The following RAPGEF4 variants were observed in gnomAD, a reference collection of about 807,000 sequenced individuals.
RAPGEF4 encodes the protein RAP guanine-nucleotide-exchange factor (GEF) 4.
In RAPGEF4, 66 loss-of-function variants were observed where a neutral mutation model predicts 147.9. The observed-to-expected ratio is 0.45, with a 90% CI of 0.37 to 0.55. The LOEUF (loss-of-function observed/expected upper bound fraction) is 0.55. RAPGEF4 is among the 20% of genes least tolerant of loss of function. RAPGEF4 has a pLI of 0.00. For synonymous variants in RAPGEF4, 419 were observed against 442.7 expected (o/e 0.95, Z 0.67); for missense variants, 1,071 against 1,257.3 (o/e 0.85, Z 2.24).
At chr2:173,043,507 C>T (rs867668838) in intron 29 of RAPGEF4, among the ~76,000 whole-genome samples, 2 of 152,124 alleles carry the variant, frequency 1.3e-5, no homozygotes, top group Non-Finnish European at 2.9e-5. Flanking sequence ...GCCTGGAGGG[C>T]CTGCCGGTCA....
chr2:172,951,910 A>T (rs1375535319), intron 6 of RAPGEF4, among the ~76,000 whole-genome samples: 1 of 152,194 alleles, frequency 6.6e-6, no homozygotes, highest in Non-Finnish European at 1.5e-5. Flanking sequence ...GGAAGCATAC[A>T]CACCTTCTAG....
chr2:172,978,111 C>T (rs537366228), intron 10 of RAPGEF4, among the ~76,000 whole-genome samples: 25 of 152,306 alleles, frequency 1.6e-4, no homozygotes, highest in Admixed American at 9.1e-4. Flanking sequence ...GGAAGCCTCT[C>T]TTTCTCTGCG....
chr2:172,757,284 C>T (rs1695868502), intron 1 of RAPGEF4, among the ~76,000 whole-genome samples: 1 of 152,178 alleles, frequency 6.6e-6, no homozygotes, highest in Non-Finnish European at 1.5e-5. Flanking sequence ...AATGTGACTG[C>T]TTTTCTAAAG....
chr2:172,845,108 G>A (rs1489127063), intron 4 of RAPGEF4, among the ~76,000 whole-genome samples: 1 of 152,200 alleles, frequency 6.6e-6, no homozygotes, highest in African/African-American at 2.4e-5. Flanking sequence ...TCCAGGAAGT[G>A]TCACTGACTG....
At chr2:172,940,932 T>C (rs1017320517) in intron 6 of RAPGEF4, among the ~76,000 whole-genome samples, 1 of 152,230 alleles carries the variant, frequency 6.6e-6, no homozygotes, top group Non-Finnish European at 1.5e-5. Flanking sequence ...ATATATGCCC[T>C]GTACATGTTT....
intron 4 of RAPGEF4, among the ~76,000 whole-genome samples, chr2:172,888,139 T>A (rs1697459266): frequency 6.6e-6 from 1 of 152,230 alleles, no homozygotes; most frequent in South Asian, 2.1e-4. Context: ...TGTTGAATAT[T>A]ATTAACCAGT....
At chr2:172,883,100 T>A (rs1343845196) in intron 4 of RAPGEF4, among the ~76,000 whole-genome samples, 6 of 148,612 alleles carry the variant, frequency 4.0e-5, no homozygotes, top group African/African-American at 1.5e-4. Flanking sequence ...TAATATGTGT[T>A]AAAAAAAAAA....
At chr2:173,001,790 G>C (rs1466732190) in intron 17 of RAPGEF4, among the ~76,000 whole-genome samples, 3 of 151,792 alleles carry the variant, frequency 2.0e-5, no homozygotes, top group Non-Finnish European at 4.4e-5. Flanking sequence ...TAAACGACCA[G>C]ATCTCATGAG....
chr2:172,917,675 A>G (rs1366001661), intron 4 of RAPGEF4, 127 bp from the exon 5 acceptor site: 2 of 792,986 alleles, frequency 2.5e-6, no homozygotes, highest in East Asian at 2.5e-5. Flanking sequence ...AACACGTTTC[A>G]TGGCTCTATA....
chr2:172,868,412 C>G (rs1694853880), intron 4 of RAPGEF4, among the ~76,000 whole-genome samples: 1 of 152,124 alleles, frequency 6.6e-6, no homozygotes, highest in Non-Finnish European at 1.5e-5. Flanking sequence ...GCATAACATG[C>G]TCTTATATAG....
intron 5 of RAPGEF4, among the ~76,000 whole-genome samples, chr2:172,921,307 C>T (rs183596352): frequency 1.5e-3 from 230 of 152,150 alleles, no homozygotes; most frequent in African/African-American, 4.6e-3. Context: ...AGGCTGCTCT[C>T]GAGCTCCTGG....
At chr2:172,954,455 A>G (rs1688531989) in intron 6 of RAPGEF4, among the ~76,000 whole-genome samples, 2 of 152,278 alleles carry the variant, frequency 1.3e-5, no homozygotes, top group East Asian at 3.9e-4. Context: ...CTCTAAGCCA[A>G]TTTTGAACTT....
intron 4 of RAPGEF4, among the ~76,000 whole-genome samples, chr2:172,862,339 G>C (rs1204079411): frequency 6.6e-6 from 1 of 152,152 alleles, no homozygotes; most frequent in Non-Finnish European, 1.5e-5. Context: ...GTCAGAGAGA[G>C]CATTTTATAT....
At chr2:172,791,123 C>G (rs896570715) in intron 1 of RAPGEF4, among the ~76,000 whole-genome samples, 2 of 152,194 alleles carry the variant, frequency 1.3e-5, no homozygotes, top group Non-Finnish European at 2.9e-5. Flanking sequence ...GCAGAGCCCT[C>G]ATGACCTAAG....
chr2:172,906,589 G>A (rs1699656571), intron 4 of RAPGEF4, among the ~76,000 whole-genome samples: 1 of 152,220 alleles, frequency 6.6e-6, no homozygotes, highest in Non-Finnish European at 1.5e-5. Context: ...GGGAAGGGGT[G>A]TGCCCAAAGC....
chr2:172,777,374 A>C (rs77476231), intron 1 of RAPGEF4, among the ~76,000 whole-genome samples: 2 of 152,052 alleles, frequency 1.3e-5, no homozygotes, highest in South Asian at 2.1e-4. Flanking sequence ...TAAAAAAAAA[A>C]CCCTGCTTTT....
intron 5 of RAPGEF4, among the ~76,000 whole-genome samples, chr2:172,919,964 C>A (rs1439019568): frequency 6.6e-6 from 1 of 152,104 alleles, no homozygotes; most frequent in Non-Finnish European, 1.5e-5. Flanking sequence ...AGCCACCTGG[C>A]CTTGGGCCTC....
chr2:172,947,429 A>T (rs1189823815), intron 6 of RAPGEF4, among the ~76,000 whole-genome samples: 2 of 152,206 alleles, frequency 1.3e-5, no homozygotes, highest in African/African-American at 2.4e-5. Flanking sequence ...AGAATCGCTG[A>T]AGGAATGAAT....
At chr2:173,035,369 G>A (rs1683839748) in intron 27 of RAPGEF4, among the ~76,000 whole-genome samples, 1 of 151,998 alleles carries the variant, frequency 6.6e-6, no homozygotes, top group African/African-American at 2.4e-5. Flanking sequence ...AAATTAGCCA[G>A]GCCTGGTGGC....
Sources: allele counts gnomAD v4.1 joint callset (sites outside exome capture counted in the v4.1 genomes callset), GRCh38; gene constraint gnomAD v4.1.1; transcripts MANE v1.5; gene names NCBI Gene and HGNC (gene_info 2026-07-23, HGNC 2026-07-21).